The following PRCD variants were observed in gnomAD, a reference collection of about 807,000 sequenced individuals.
PRCD encodes the protein photoreceptor disc component.
PRCD carries 12 observed loss-of-function variants against 10.1 expected under a neutral mutation model. The ratio of observed to expected loss-of-function variants is 1.18; its 90% CI spans 0.76 to 1.92. PRCD has a LOEUF of 1.92. Among genes scored for constraint, PRCD ranks in the 40% most tolerant of loss-of-function variants. The pLI is 0.00. For missense variants in PRCD, 61 were observed against 72.2 expected (o/e 0.84, Z 0.56); for synonymous variants, 31 against 26.2 (o/e 1.18, Z -0.56).
Position 76,540,257 on chromosome 17 carries a change from GGGGGGGCAT to G in PRCD, c.74+47_74+55del. 8.6e-7 allele frequency: 1 copy of G among 1,159,348 alleles called. No homozygotes were observed. Among genetic ancestry groups the G allele is most frequent in the Non-Finnish European group, 1.3e-6 (1 of 793,076 alleles). 71.8% of individuals were successfully genotyped at this position (1,159,348 alleles called of 1,614,324 possible). On this transcript the variant is annotated intron_variant, in intron 1 of 4. Transcript: ENST00000592014. This position sits in a 1 kb window ranked among gnomAD's most constrained non-coding sequence, Gnocchi z 5.0. ...GCTATGGCTGGCGGTTGGTCGGGGG[GGGGGGGCAT>G]GGGGCTGGGCTGCCACCAAGCTGAA...
In PRCD at chr17:76,540,611, G is replaced by A; in HGVS notation, c.143+38G>A. 6.3e-7 allele frequency: 1 copy of A among 1,597,318 alleles called. No homozygotes were observed. Among genetic ancestry groups the A allele is most frequent in the Non-Finnish European group, 8.6e-7 (1 of 1,166,310 alleles). On this transcript the variant is annotated intron_variant, in intron 2 of 4. Transcript: ENST00000592014. The surrounding 1 kb of genome is among the most constrained non-coding windows in gnomAD (Gnocchi z 5.0). ...TCTGGGCTGGGGGAGGGAGGGTGCT[G>A]CCAAGGAAGCTGTGGCTGTGCATGC...
rs1260029878 is a variant in PRCD at position 76,530,478 on chromosome 17, G to A, written n.45+2645G>A. ...ATGTAGCTTCCTCGTGGGCTGGGGT[G>A]TGTGTGTGTGTGTATGTGTCCTCGT... On this transcript the variant is annotated intron_variant and non_coding_transcript_variant, in intron 1 of 4. Transcript: ENST00000397633. This position sits in a 1 kb window ranked among gnomAD's most constrained non-coding sequence, Gnocchi z 6.1. Among the ~76,000 whole-genome samples, 1 of 151,848 alleles carries A rather than the reference G, an allele frequency of 6.6e-6. No homozygotes were observed. Among genetic ancestry groups the A allele is most frequent in the African/African-American group, 2.4e-5 (1 of 41,358 alleles).
At chr17:76,529,646 G>C in intron 1 of PRCD, 1 of 985,412 alleles carries the variant, frequency 1.0e-6, no homozygotes, top group Non-Finnish European at 1.2e-6. Context: ...TGGGGAGAGG[G>C]GTGGGAGGGC....
In PRCD at chr17:76,542,628, A is replaced by C; in HGVS notation, c.*54A>C. The stretch of plus-strand genomic sequence containing the variant: ...CCCAGAGACTGGGATCAGCTGGCTC[A>C]GGCAGGTAGGGCAGGGCTGGGAGCC... On this transcript the variant is annotated 3_prime_UTR_variant, in exon 3 of 5. Transcript: ENST00000592014. The C allele has an allele frequency of 1.9e-6, 3 of 1,606,948 alleles. No individual in the cohort carries two copies. Among genetic ancestry groups the C allele is most frequent in the Non-Finnish European group, 2.6e-6 (3 of 1,173,530 alleles).
upstream of PRCD, chr17:76,540,007 G>A: frequency 5.5e-6 from 5 of 910,208 alleles, no homozygotes; most frequent in East Asian, 7.9e-5. The surrounding 1 kb of genome is among the most constrained non-coding windows in gnomAD (Gnocchi z 5.0). Flanking sequence ...TAATCAGCTT[G>A]AGCCTCCTAA....
intron 1 of PRCD, among the ~76,000 whole-genome samples, chr17:76,532,936 A>G (rs1195164597): frequency 6.6e-6 from 1 of 152,226 alleles, no homozygotes; most frequent in Non-Finnish European, 1.5e-5. Flanking sequence ...GTGAATCCCC[A>G]GAAAATGTAT....
intron 1 of PRCD, chr17:76,529,046 C>A (rs1175855318): frequency 1.1e-5 from 1 of 88,016 alleles, no homozygotes; most frequent in Non-Finnish European, 1.3e-5. Flanking sequence ...GTCATTGCGC[C>A]CCCCCCCCAC....
Position 76,528,092 on chromosome 17 carries a change from C to T in PRCD, n.45+259C>T, listed in dbSNP as rs11871059. 0.018 allele frequency: 6,650 copies of T among 378,040 alleles called. 345 individuals are homozygous for T. Among genetic ancestry groups the T allele is most frequent in the African/African-American group, 0.12 (5,833 of 48,566 alleles). 23.4% of individuals were successfully genotyped at this position (378,040 alleles called of 1,614,324 possible). ...GCCAAACCGAGGCTTCTGGGCGCCGCGGATACACATTCTAGATATGTATGT... is the reference window on the plus strand; with the variant it reads ...GCCAAACCGAGGCTTCTGGGCGCCGTGGATACACATTCTAGATATGTATGT... On this transcript the variant is annotated intron_variant and non_coding_transcript_variant, in intron 1 of 4. Transcript: ENST00000397633. This position sits in a 1 kb window ranked among gnomAD's most constrained non-coding sequence, Gnocchi z 5.8.
chr17:76,540,217 T>C lies in PRCD; in HGVS notation c.74+2T>C, dbSNP rs1292833505. The stretch of plus-strand genomic sequence containing the variant: ...CCGATTTGCCAACCGAGTCCAACCG[T>C]GAGAAACTGACCGGGCTATGGCTGG... On this transcript the variant is annotated splice_donor_variant, in intron 1 of 4. Transcript: ENST00000592014. LOFTEE classifies it high-confidence loss of function. This position sits in a 1 kb window ranked among gnomAD's most constrained non-coding sequence, Gnocchi z 5.0. 1.4e-6 allele frequency: 2 copies of C among 1,419,774 alleles called. No homozygotes were observed. The highest frequency in any genetic ancestry group is 3.2e-5 in the East Asian group (1 of 31,590). 87.9% of individuals were successfully genotyped at this position (1,419,774 alleles called of 1,614,324 possible).
Position 76,529,052 on chromosome 17 carries a change from C to G in PRCD, n.45+1219C>G, listed in dbSNP as rs1039719384. ...CCCCCTGCAGTCATTGCGCCCCCCCCCCACCCCCCACCCACGCAAAGGCGC... is the reference window on the plus strand; with the variant it reads ...CCCCCTGCAGTCATTGCGCCCCCCCGCCACCCCCCACCCACGCAAAGGCGC... On this transcript the variant is annotated intron_variant and non_coding_transcript_variant, in intron 1 of 4. Coordinates refer to the PRCD transcript ENST00000397633. 54 of 459,822 alleles carry G rather than the reference C, an allele frequency of 1.2e-4. No individual in the cohort carries two copies. The East Asian group carries it at 1.5e-3, about 13-fold the overall frequency. 28.5% of individuals were successfully genotyped at this position (459,822 alleles called of 1,614,324 possible).
downstream of PRCD, chr17:76,547,455 G>C (rs932898208): frequency 3.9e-5 from 6 of 152,344 alleles, no homozygotes; most frequent in Admixed American, 2.6e-4. Flanking sequence ...AGGGGGATCC[G>C]CTGACAGTGG....
At position 76,528,587 on chromosome 17, in the gene PRCD, C is replaced by T. The variant is rs376871878; in HGVS notation, n.45+754C>T. 7 of 1,286,302 alleles carry T rather than the reference C, an allele frequency of 5.4e-6. No homozygotes were observed. The highest frequency in any genetic ancestry group is 6.3e-5 in the South Asian group (2 of 31,644). 79.7% of individuals were successfully genotyped at this position (1,286,302 alleles called of 1,614,324 possible). Reference sequence around the variant, plus strand: ...GGTGGAGTTAGGGGTCCTACGGCCCCGAAGAGGGCAGTGTGGCCGGTGGGC... The same window carrying T: ...GGTGGAGTTAGGGGTCCTACGGCCCTGAAGAGGGCAGTGTGGCCGGTGGGC... On this transcript the variant is annotated intron_variant and non_coding_transcript_variant, in intron 1 of 4. Transcript: ENST00000397633. The surrounding 1 kb of genome is among the most constrained non-coding windows in gnomAD (Gnocchi z 5.8).
rs2074819748 is a variant in PRCD at position 76,530,226 on chromosome 17, C to T, written n.45+2393C>T. On this transcript the variant is annotated intron_variant and non_coding_transcript_variant, in intron 1 of 4. Coordinates refer to the PRCD transcript ENST00000397633. The surrounding 1 kb of genome is among the most constrained non-coding windows in gnomAD (Gnocchi z 6.1). ...TCCTACTCCAGCCCTGCCTCCGCCT[C>T]TCCATTCAGCTCCCAGAGTCAGCCT... 6.6e-6 allele frequency among the ~76,000 whole-genome samples: 1 copy of T among 152,208 alleles called. No homozygotes were observed. The highest frequency in any genetic ancestry group is 6.5e-5 in the Admixed American group (1 of 15,282).
rs1294298907 is a variant in PRCD, at chr17:76,533,068, G to C, written n.45+5235G>C. ...GCCAGGAGTCGAGTCTCAGATGTGA[G>C]GGCTGGAACAGATGCGGAGAGGGCA... On this transcript the variant is annotated intron_variant and non_coding_transcript_variant, in intron 1 of 4. Transcript: ENST00000397633. The surrounding 1 kb of genome is among the most constrained non-coding windows in gnomAD (Gnocchi z 4.5). Among the ~76,000 whole-genome samples, 1 of 152,216 alleles carries C rather than the reference G, an allele frequency of 6.6e-6. No individual in the cohort carries two copies. Among genetic ancestry groups the C allele is most frequent in the Non-Finnish European group, 1.5e-5 (1 of 68,048 alleles).
upstream of PRCD, chr17:76,527,645 G>A (rs1435548850): frequency 6.6e-6 from 3 of 453,844 alleles, no homozygotes; most frequent in Admixed American, 2.3e-5. Flanking sequence ...CTCGGCCCTC[G>A]GAGCTGAGGG....
upstream of PRCD, among the ~76,000 whole-genome samples, chr17:76,535,638 G>A (rs2074905709): frequency 6.6e-6 from 1 of 152,144 alleles, no homozygotes; most frequent in African/African-American, 2.4e-5. Flanking sequence ...CCCAGCCCAG[G>A]CCCAGGCCCC....
At chr17:76,543,749 T>G in intron 4 of PRCD, 54 bp from the exon 5 acceptor site, 1 of 469,732 alleles carries the variant, frequency 2.1e-6, no homozygotes, top group South Asian at 1.6e-5. Context: ...TCCGAGGTGC[T>G]GGTGTCGGTT....
In PRCD at chr17:76,540,136, TGC is replaced by T. The variant is rs769820518; in HGVS notation, c.-3_-2del. On this transcript the variant is annotated 5_prime_UTR_variant, in exon 1 of 5. Coordinates refer to ENST00000592014, the MANE Select transcript of PRCD (RefSeq NM_001077620.3). The surrounding 1 kb of genome is among the most constrained non-coding windows in gnomAD (Gnocchi z 5.0). ...TTGGCCTGGGAGGGGATGGGGCAGC[TGC>T]GCCATGTGCACCACCCTTTTCCTGC... 2 of 1,599,594 alleles carry T rather than the reference TGC, an allele frequency of 1.3e-6. No individual in the cohort carries two copies.
At position 76,540,087 on chromosome 17, in the gene PRCD, C is replaced by T. The variant is rs1598210951; in HGVS notation, c.-55C>T. 1.9e-6 allele frequency: 3 copies of T among 1,554,314 alleles called. No homozygotes were observed. Among genetic ancestry groups the T allele is most frequent in the East Asian group, 4.7e-5 (2 of 42,358 alleles). ...AGAGCTGGCTGGGGCCATTTTGGCCCCTCGCCTGTGGCCTTCTGCAGACTT... is the reference window on the plus strand; with the variant it reads ...AGAGCTGGCTGGGGCCATTTTGGCCTCTCGCCTGTGGCCTTCTGCAGACTT... On this transcript the variant is annotated 5_prime_UTR_variant, in exon 1 of 5. Coordinates refer to ENST00000592014, the MANE Select transcript of PRCD (RefSeq NM_001077620.3). The surrounding 1 kb of genome is among the most constrained non-coding windows in gnomAD (Gnocchi z 5.0).
Sources: gnomAD v4.1 joint callset for allele counts (sites outside exome capture counted in the v4.1 genomes callset) on GRCh38, gnomAD v4.1.1 for gene constraint, Gnocchi (gnomAD v3.1) non-coding constraint, MANE v1.5 for transcripts, NCBI Gene and HGNC (gene_info 2026-07-23, HGNC 2026-07-21) for gene names.